CMSS1: variants seen among roughly 807,000 people sequenced by gnomAD.
The protein encoded by CMSS1 is cms1 ribosomal small subunit homolog, also known as protein CMSS1.
A neutral mutation model predicts 43.5 loss-of-function variants in CMSS1; 33 were observed. That is an observed-to-expected ratio of 0.76 (90% CI 0.57 to 1.01). The LOEUF is 1.01. Among genes scored for constraint, CMSS1 ranks in the 50% least tolerant of loss-of-function variants. The pLI, the probability that CMSS1 is intolerant of heterozygous loss-of-function variation, is 0.00. For missense variants in CMSS1, 313 were observed against 326.4 expected (o/e 0.96, Z 0.32); for synonymous variants, 115 against 117.2 (o/e 0.98, Z 0.12).
chr3:100,147,153 T>G, intron 2 of CMSS1, 92 bp downstream of exon 2: 2 of 1,372,486 alleles, frequency 1.5e-6, no homozygotes, highest in South Asian at 1.6e-5. Flanking sequence ...CTAATATCGG[T>G]TGTTGGTGGG....
chr3:100,013,886 G>A (rs529414570), intron 1 of CMSS1, among the ~76,000 whole-genome samples: 52 of 152,140 alleles, frequency 3.4e-4, no homozygotes, highest in Non-Finnish European at 6.9e-4. Flanking sequence ...TATAGTCACC[G>A]TGCTTCACAA....
chr3:100,090,993 C>G (rs1350804519), intron 1 of CMSS1, among the ~76,000 whole-genome samples: 1 of 152,104 alleles, frequency 6.6e-6, no homozygotes, highest in Non-Finnish European at 1.5e-5. Flanking sequence ...ATTCCTGAAA[C>G]CCTACCTTAG....
intron 1 of CMSS1, among the ~76,000 whole-genome samples, chr3:99,858,446 C>T (rs1944082144): frequency 3.3e-5 from 5 of 152,006 alleles, no homozygotes; most frequent in Admixed American, 3.3e-4. Flanking sequence ...GCCTGGGCGA[C>T]ACAGCAAGAC....
intron 1 of CMSS1, among the ~76,000 whole-genome samples, chr3:99,957,896 A>G (rs924224630): frequency 3.3e-5 from 5 of 149,876 alleles, no homozygotes; most frequent in Middle Eastern, 6.9e-3. Context: ...TTTTAGATTC[A>G]ACAAAACCTG....
intron 1 of CMSS1, chr3:99,876,141 CTG>C: frequency 1.0e-6 from 1 of 986,208 alleles, no homozygotes; most frequent in Non-Finnish European, 1.2e-6. Context: ...TGCGAGCCGA[CTG>C]TGCGCGCTCC....
At chr3:99,910,237 A>T in intron 1 of CMSS1, among the ~76,000 whole-genome samples, 1 of 136,512 alleles carries the variant, frequency 7.3e-6, no homozygotes, top group East Asian at 2.0e-4. Flanking sequence ...AGGCTATAAA[A>T]ATTTAAATAA....
chr3:99,840,618 A>G (rs1943093136), intron 1 of CMSS1, among the ~76,000 whole-genome samples: 1 of 152,222 alleles, frequency 6.6e-6, no homozygotes, highest in Admixed American at 6.5e-5. Context: ...AAAGAAACTC[A>G]TGCAGGTTGT....
intron 1 of CMSS1, among the ~76,000 whole-genome samples, chr3:99,997,698 G>A (rs1459468487): frequency 6.6e-6 from 1 of 152,100 alleles, no homozygotes; most frequent in Admixed American, 6.5e-5. Flanking sequence ...GAATAATAGA[G>A]CAGATTTATT....
chr3:100,163,518 C>T (rs1279622857), intron 4 of CMSS1, among the ~76,000 whole-genome samples: 2 of 152,084 alleles, frequency 1.3e-5, no homozygotes, highest in African/African-American at 4.8e-5. Context: ...AAAATTTAAA[C>T]AGCTAATTTT....
At chr3:99,861,331 CCT>C (rs1247953370) in intron 1 of CMSS1, among the ~76,000 whole-genome samples, 32 of 152,204 alleles carry the variant, frequency 2.1e-4, no homozygotes, top group African/African-American at 7.7e-4. Context: ...CCCTGGCTGC[CCT>C]GTCCCTCTAG....
chr3:99,957,768 A>G (rs1708376365), intron 1 of CMSS1, among the ~76,000 whole-genome samples: 1 of 135,486 alleles, frequency 7.4e-6, no homozygotes, highest in Admixed American at 8.2e-5. Context: ...CACAGGTTCC[A>G]TTCAGTGATA....
intron 1 of CMSS1, among the ~76,000 whole-genome samples, chr3:100,122,882 CAT>C (rs1206755218): frequency 6.6e-6 from 1 of 152,158 alleles, no homozygotes; most frequent in Admixed American, 6.5e-5. Flanking sequence ...GTAGTAAAAA[CAT>C]AAAATATAAA....
intron 1 of CMSS1, among the ~76,000 whole-genome samples, chr3:99,853,167 A>G (rs1190615015): frequency 1.3e-5 from 2 of 152,220 alleles, no homozygotes; most frequent in African/African-American, 4.8e-5. Context: ...GGCAGAGTCC[A>G]TGGGTAAACT....
At chr3:99,900,864 A>G (rs1258244540) in intron 1 of CMSS1, among the ~76,000 whole-genome samples, 1 of 152,220 alleles carries the variant, frequency 6.6e-6, no homozygotes, top group Non-Finnish European at 1.5e-5. Flanking sequence ...TACATGTAGC[A>G]AAGTGTTAGA....
intron 1 of CMSS1, among the ~76,000 whole-genome samples, chr3:100,115,557 TTCTCTCTCTCTC>T (rs1444990340): frequency 6.6e-5 from 5 of 75,260 alleles, no homozygotes; most frequent in Admixed American, 1.3e-4. Flanking sequence ...CTCTTTCTCT[TTCTCTCTCTCTC>T]TCTCTGTCTC....
chr3:100,065,001 A>G (rs2065640050), intron 1 of CMSS1, among the ~76,000 whole-genome samples: 1 of 152,192 alleles, frequency 6.6e-6, no homozygotes, highest in Non-Finnish European at 1.5e-5. Context: ...ACAAAACACT[A>G]TGCTAGGCAT....
Position 99,902,011 on chromosome 3 carries a change from G to A in CMSS1, c.64+83968G>A, listed in dbSNP as rs1230019983. 2.0e-5 allele frequency among the ~76,000 whole-genome samples: 3 copies of A among 152,018 alleles called. No homozygotes were observed. The East Asian group carries it at 5.8e-4, about 29-fold the overall frequency. On this transcript the variant is annotated intron_variant, in intron 1 of 9. Coordinates refer to ENST00000421999, the MANE Select transcript of CMSS1 (RefSeq NM_032359.4). ...TTTTTTCATTAATTTCCTATAATCTGCCAGTAATATATGAGGTCTTACAAG... is the reference window on the plus strand; with the variant it reads ...TTTTTTCATTAATTTCCTATAATCTACCAGTAATATATGAGGTCTTACAAG...
At position 100,160,485 on chromosome 3, in the gene CMSS1, C is replaced by T. The variant is rs1449828098; in HGVS notation, c.209C>T (p.Thr70Ile). Reference protein sequence around the residue: ...PKERKENTTKTRKRRKKKITD... With the variant: ...PKERKENTTKIRKRRKKKITD... ...GAAAGAAAAGAGAATACCACCAAGA[C>T]CAGGAAAAGAAGAAAGGTAATATTA... Residue 70 changes from threonine to isoleucine, a missense_variant, in exon 3 of 10, where the codon ACC becomes ATC. Coordinates refer to ENST00000421999, the MANE Select transcript of CMSS1 (RefSeq NM_032359.4). The T allele has an allele frequency of 6.7e-7, 1 of 1,501,316 alleles. No homozygotes were observed. The highest frequency in any genetic ancestry group is 1.4e-5 in the African/African-American group (1 of 72,022). 93.0% of individuals were successfully genotyped at this position (1,501,316 alleles called of 1,614,324 possible).
At chr3:100,058,749 A>C (rs1217682120) in intron 1 of CMSS1, among the ~76,000 whole-genome samples, 2 of 152,190 alleles carry the variant, frequency 1.3e-5, no homozygotes, top group East Asian at 3.8e-4. Flanking sequence ...TTTTCAGTAG[A>C]AGGAGGACGC....
Sources: gnomAD v4.1 joint callset for allele counts (sites outside exome capture counted in the v4.1 genomes callset) on GRCh38, gnomAD v4.1.1 for gene constraint, MANE v1.5 for transcripts, NCBI Gene and HGNC (gene_info 2026-07-23, HGNC 2026-07-21) for gene names.